The following PTCH1 variants were observed in gnomAD, a reference collection of about 807,000 sequenced individuals.
The protein encoded by PTCH1 is protein patched homolog 1.
Under a neutral mutation model 144.6 loss-of-function variants are expected in PTCH1, and 14 were observed. That is an observed-to-expected ratio of 0.10 (90% confidence interval 0.06 to 0.15). PTCH1 has a LOEUF of 0.15. Among genes scored for constraint, PTCH1 ranks in the 10% least tolerant of loss-of-function variants. PTCH1 has a pLI of 1.00. For missense variants in PTCH1, 1,623 were observed against 1,948.3 expected, an observed-to-expected ratio of 0.83 and a Z score of 3.14; for synonymous variants, 833 against 793.6, an observed-to-expected ratio of 1.05 and a Z score of -0.83.
chr9:95,484,307 A>AT (rs1370816229), intron 3 of PTCH1: 2 of 152,298 alleles, frequency 1.3e-5, no homozygotes, highest in African/African-American at 2.4e-5. Context: ...CAGAAACATG[A>AT]TTTTACATTT....
At chr9:95,490,520 GACACACACACAC>G (rs35550307) in intron 2 of PTCH1, among the ~76,000 whole-genome samples, 4,207 of 140,362 alleles carry the variant, frequency 0.03, 100 homozygotes, top group Admixed American at 0.066. Context: ...CCTTCTATGT[GACACACACACAC>G]ACACACACAC....
In PTCH1 at chr9:95,507,924, A is replaced by G. The variant is rs960404571; in HGVS notation, c.201+237T>C. 1.2e-4 allele frequency: 158 copies of G among 1,303,604 alleles called. 1 individual carries two copies. The highest frequency in any genetic ancestry group is 8.6e-4 in the Middle Eastern group (3 of 3,500). The allele number at this position is 1,303,604 out of a possible 1,614,324, so 80.8% of individuals were successfully genotyped here. A position where few individuals can be genotyped will look rare whatever the true frequency, so the allele number is the denominator to read the frequency against. On this transcript the variant is annotated intron_variant, in intron 1 of 23. Coordinates refer to ENST00000331920, the MANE Select transcript of PTCH1 (RefSeq NM_000264.5). ...TGTGTATACACACACACACACGCAC[A>G]CACACACACCTCCACCCCCTGCGGA...
rs1564048445 is a variant in PTCH1 at position 95,476,658 on chromosome 9, A to C, written c.1602+101T>G. On this transcript the variant is annotated intron_variant, in intron 11 of 23. Coordinates refer to ENST00000331920, the MANE Select transcript of PTCH1 (RefSeq NM_000264.5). This position sits in a 1 kb window ranked among gnomAD's most constrained non-coding sequence, Gnocchi z 4.6. ...GACACATCATCTGACATGGGACTGA[A>C]ATCTTTACTGGGTCAGACTGAGGAA... is the stretch of plus-strand genomic sequence containing the variant. 22 of 1,172,392 alleles carry C rather than the reference A, an allele frequency of 1.9e-5. No homozygotes were observed. The East Asian group carries it at 3.8e-4, about 20-fold the overall frequency. 72.6% of individuals were successfully genotyped at this position (1,172,392 alleles called of 1,614,324 possible). A position where few individuals can be genotyped will look rare whatever the true frequency, so the allele number is the denominator to read the frequency against.
chr9:95,459,360 G>A (rs1018820223), intron 17 of PTCH1, among the ~76,000 whole-genome samples: 2 of 152,202 alleles, frequency 1.3e-5, no homozygotes, highest in African/African-American at 4.8e-5. Flanking sequence ...CCTAATGAAC[G>A]TCTTAGCATT....
In PTCH1 at chr9:95,449,184, G is replaced by T. The variant is rs1462253594; in HGVS notation, c.3689C>A (p.Thr1230Lys). 1 of 1,611,942 alleles carries T rather than the reference G, an allele frequency of 6.2e-7. No homozygotes were observed. Among genetic ancestry groups the T allele is most frequent in the Admixed American group, 1.7e-5 (1 of 59,588 alleles). ...SSDSEYSSQT[T>K]VSGLSEELRH... Reference sequence around the variant, plus strand: ...AAGCTCCTCGCTGAGGCCTGACACTGTCGTCTGGGAACTATACTCCGAGTC... The same window carrying T: ...AAGCTCCTCGCTGAGGCCTGACACTTTCGTCTGGGAACTATACTCCGAGTC... The change falls in exon 22 of 24, where the codon ACA (threonine) becomes AAA (lysine). Residue 1230 changes from threonine (T) to lysine (K), a missense_variant. Transcript: ENST00000331920. This position sits in a 1 kb window ranked among gnomAD's most constrained non-coding sequence, Gnocchi z 5.3.
upstream of PTCH1, among the ~76,000 whole-genome samples, chr9:95,510,587 C>T (rs185461760): frequency 3.1e-3 from 465 of 151,994 alleles, 4 homozygotes; most frequent in African/African-American, 0.011. Context: ...CGGTAGGAAC[C>T]CGACCCGCAA....
At position 95,458,393 on chromosome 9, in the gene PTCH1, G is replaced by A. The variant is rs1357995637; in HGVS notation, c.2888-100C>T. 5.0e-6 allele frequency: 7 copies of A among 1,406,820 alleles called. No homozygotes were observed. The African/African-American group carries it at 1.0e-4, about 20-fold the overall frequency. The allele number at this position is 1,406,820 out of a possible 1,614,324, so 87.1% of individuals were successfully genotyped here. The stretch of plus-strand genomic sequence containing the variant: ...AACTTTGCATGAAAGCTTACTGACT[G>A]CTCTTCTACATGATACAAAGAACAA... On this transcript the variant is annotated intron_variant, in intron 17 of 23. Coordinates refer to ENST00000331920, the MANE Select transcript of PTCH1 (RefSeq NM_000264.5). The surrounding 1 kb of genome is among the most constrained non-coding windows in gnomAD (Gnocchi z 4.7).
chr9:95,469,983 G>C, intron 12 of PTCH1, 52 bp from the exon 13 acceptor site: 5 of 1,276,600 alleles, frequency 3.9e-6, no homozygotes, highest in Non-Finnish European at 5.7e-6. Flanking sequence ...CGCCCAATCA[G>C]AGGACTGCTT....
chr9:95,469,546 G>A (rs1840369286), intron 13 of PTCH1, among the ~76,000 whole-genome samples: 1 of 152,110 alleles, frequency 6.6e-6, no homozygotes, highest in South Asian at 2.1e-4. Flanking sequence ...CCTACAATCG[G>A]CAACATCAGT....
At position 95,461,920 on chromosome 9, in the gene PTCH1, C is replaced by A. The variant is rs971300374; in HGVS notation, c.2639G>T (p.Gly880Val). 6.2e-7 allele frequency: 1 copy of A among 1,614,130 alleles called. No individual in the cohort carries two copies. The highest frequency in any genetic ancestry group is 8.5e-7 in the Non-Finnish European group (1 of 1,180,058). The change falls in exon 16 of 24, where the codon GGA (glycine) becomes GTA (valine). Residue 880 changes from glycine to valine, a missense_variant. Physicochemically the swap from Gly to Val is moderately radical, Grantham distance 109. Around this residue, in one of 7 missense-constraint regions of PTCH1, gnomAD observed 504 missense variants for 679.3 expected, o/e 0.74. Coordinates refer to ENST00000331920, the MANE Select transcript of PTCH1 (RefSeq NM_000264.5). ...PNNYKNGSDD[G>V]VLAYKLLVQT... The stretch of plus-strand genomic sequence containing the variant: ...CACCAGGAGTTTGTAGGCAAGGACT[C>A]CATCGTCTGATCCATTCTTGTAATT...
Position 95,469,238 on chromosome 9 carries a change from GA to G in PTCH1, c.1848-86del. On this transcript the variant is annotated intron_variant, in intron 13 of 23. Transcript: ENST00000331920. Reference sequence around the variant, plus strand: ...TCTGCCATTTTTCACTGTGTACGGAGAATACCCATTTTACACAGCTCTGACT... The same window carrying G: ...TCTGCCATTTTTCACTGTGTACGGAGATACCCATTTTACACAGCTCTGACT... 7 of 1,550,992 alleles carry G rather than the reference GA, an allele frequency of 4.5e-6. No individual in the cohort carries two copies. In the East Asian group the frequency reaches 1.3e-4, roughly 30 times the overall value.
chr9:95,470,536 G>A (rs1332268093), intron 12 of PTCH1, among the ~76,000 whole-genome samples: 3 of 152,266 alleles, frequency 2.0e-5, no homozygotes, highest in South Asian at 2.1e-4. Context: ...ATAGTACGCA[G>A]AATAAATAAG....
Position 95,480,461 on chromosome 9 carries a change from T to C in PTCH1, c.874A>G (p.Met292Val), listed in dbSNP as rs1588610088. ...GCCGGATTGAGGCAGGGGCGGTCCA[T>C]GTAACCATGACCAACCTCAGCCTTA... ...LNKAEVGHGY[M>V]DRPCLNPADP... is the part of the protein sequence containing the mutation. Residue 292 changes from methionine (M) to valine (V), a missense_variant, in exon 6 of 24, where the codon ATG becomes GTG. Met to Val is a conservative substitution (Grantham distance 21). Around this residue, in one of 7 missense-constraint regions of PTCH1, gnomAD observed 230 missense variants for 271.0 expected, o/e 0.85. Coordinates refer to ENST00000331920, the MANE Select transcript of PTCH1 (RefSeq NM_000264.5). 2.5e-6 allele frequency: 4 copies of C among 1,612,280 alleles called. No homozygotes were observed. The highest frequency in any genetic ancestry group is 1.1e-5 in the South Asian group (1 of 90,696).
intron 23 of PTCH1, chr9:95,446,697 G>C: frequency 1.6e-6 from 1 of 644,934 alleles, no homozygotes; most frequent in Admixed American, 2.5e-5. Context: ...GTTAGCAGTG[G>C]GGGAAGAGAG....
At chr9:95,452,778 A>C (rs1031910248) in intron 20 of PTCH1, 3 of 153,526 alleles carry the variant, frequency 2.0e-5, no homozygotes, top group African/African-American at 7.2e-5. Context: ...AAAAGAATAA[A>C]GTCAGGTGAC....
At position 95,443,689 on chromosome 9, in the gene PTCH1, C is replaced by G. The variant is rs527423467; in HGVS notation, c.*2704G>C. 1 of 152,684 alleles carries G rather than the reference C, an allele frequency of 6.5e-6. No individual in the cohort carries two copies. The highest frequency in any genetic ancestry group is 2.4e-5 in the African/African-American group (1 of 41,564). 9.5% of individuals were successfully genotyped at this position (152,684 alleles called of 1,614,324 possible). On this transcript the variant is annotated 3_prime_UTR_variant, in exon 24 of 24. Coordinates refer to ENST00000331920, the MANE Select transcript of PTCH1 (RefSeq NM_000264.5). ...AAAGTTCCAGACATTATGGATTCAT[C>G]ACATATAAATTCTTTAAAAATATAC...
chr9:95,488,535 G>A (rs937007421), intron 2 of PTCH1, among the ~76,000 whole-genome samples: 4 of 136,398 alleles, frequency 2.9e-5, no homozygotes, highest in South Asian at 2.3e-4. Context: ...ATTCAAAAAC[G>A]TTAATGAAGT....
rs1060502279 is a variant in PTCH1 at position 95,479,997 on chromosome 9, C to G, written c.1039G>C (p.Val347Leu). 9 of 1,613,970 alleles carry G rather than the reference C, an allele frequency of 5.6e-6. No individual in the cohort carries two copies. In the Admixed American group the frequency reaches 1.2e-4, roughly 21 times the overall value. Residue 347 changes from valine (V) to leucine (L), a missense_variant, in exon 7 of 24, where the codon GTC becomes CTC. By Grantham distance (32) the Val-to-Leu change is conservative. Coordinates refer to ENST00000331920, the MANE Select transcript of PTCH1 (RefSeq NM_000264.5). ...ACGAGTTTTCCAGTGCTGTTCTTGA[C>G]TGTGCCACCCACAATCAACTCCTCC... is the stretch of plus-strand genomic sequence containing the variant. The part of the protein sequence containing the change: ...WQEELIVGGT[V>L]KNSTGKLVSA...
At chr9:95,457,897 A>T in intron 18 of PTCH1, 116 bp downstream of exon 18, 15 of 1,376,746 alleles carry the variant, frequency 1.1e-5, no homozygotes, top group Non-Finnish European at 1.4e-5. Flanking sequence ...CATATTACGG[A>T]TGATGCAAGC....
Sources: gnomAD v4.1 joint callset for allele counts (sites outside exome capture counted in the v4.1 genomes callset) on GRCh38, gnomAD v4.1.1 for gene constraint, gnomAD v4.1.1 regional missense constraint, Gnocchi (gnomAD v3.1) non-coding constraint, MANE v1.5 for transcripts, NCBI Gene and HGNC (gene_info 2026-07-23, HGNC 2026-07-21) for gene names.